NAV3: variants seen among roughly 807,000 people sequenced by gnomAD.
NAV3 encodes the protein neuron navigator 3, also known as pore membrane and/or filament interacting like protein 1.
Under a neutral mutation model 244.7 loss-of-function variants are expected in NAV3, and 87 were observed. The observed-to-expected ratio is 0.36, with a 90% CI of 0.30 to 0.42. The LOEUF is 0.42. Ranked by LOEUF, NAV3 falls within the 20% of genes least tolerant of loss-of-function variation. NAV3 has a pLI of 1.00. For missense variants in NAV3, 2,663 were observed against 2,893.3 expected (o/e 0.92, Z 1.83); for synonymous variants, 1,126 against 1,042.2 (o/e 1.08, Z -1.55).
intron 1 of NAV3, among the ~76,000 whole-genome samples, chr12:77,832,503 G>T (rs1052175506): frequency 1.3e-5 from 2 of 151,912 alleles, no homozygotes; most frequent in African/African-American, 4.8e-5. Context: ...TATATTTATG[G>T]GTACATATTG....
At chr12:77,747,893 G>A (rs1243433302) in intron 2 of NAV3, among the ~76,000 whole-genome samples, 1 of 152,070 alleles carries the variant, frequency 6.6e-6, no homozygotes, top group Non-Finnish European at 1.5e-5. Flanking sequence ...TGGGGTTGGG[G>A]GATGGGGGAG....
intron 1 of NAV3, among the ~76,000 whole-genome samples, chr12:77,884,311 G>A (rs1883025640): frequency 6.6e-6 from 1 of 152,108 alleles, no homozygotes; most frequent in African/African-American, 2.4e-5. Context: ...AGAAAAGAGG[G>A]GATATATCCT....
chr12:77,824,119 G>T (rs538712867), intron 2 of NAV3, among the ~76,000 whole-genome samples: 1 of 152,088 alleles, frequency 6.6e-6, no homozygotes, highest in South Asian at 2.1e-4. Flanking sequence ...CTGTCACCAG[G>T]CTGGAGTATA....
chr12:77,637,543 A>T (rs950424573), intron 2 of NAV3, among the ~76,000 whole-genome samples: 5 of 152,150 alleles, frequency 3.3e-5, no homozygotes, highest in African/African-American at 1.2e-4. Flanking sequence ...ACACGTTATA[A>T]ATATTAGCTT....
intron 1 of NAV3, among the ~76,000 whole-genome samples, chr12:77,863,724 G>GAA (rs34525024): frequency 2.4e-4 from 35 of 148,118 alleles, no homozygotes; most frequent in Non-Finnish European, 4.4e-4. Flanking sequence ...TTCTTACAAT[G>GAA]AAAAAAAAAA....
At chr12:77,673,190 C>T (rs1197593712) in intron 2 of NAV3, among the ~76,000 whole-genome samples, 4 of 152,034 alleles carry the variant, frequency 2.6e-5, no homozygotes, top group African/African-American at 4.8e-5. Context: ...TCTTTTTTTG[C>T]TGAGTGTTTC....
intron 12 of NAV3, among the ~76,000 whole-genome samples, chr12:78,086,263 G>T (rs559728357): frequency 3.5e-4 from 53 of 152,062 alleles, no homozygotes; most frequent in Non-Finnish European, 6.8e-4. Context: ...GTTTACATTT[G>T]TTTTAATAGG....
intron 2 of NAV3, among the ~76,000 whole-genome samples, chr12:77,683,814 A>G (rs970767605): frequency 6.6e-6 from 1 of 152,062 alleles, no homozygotes; most frequent in African/African-American, 2.4e-5. Context: ...CATTGTATGC[A>G]TATGTTACAG....
chr12:78,042,272 A>C (rs1456080614), intron 9 of NAV3, among the ~76,000 whole-genome samples: 1 of 152,208 alleles, frequency 6.6e-6, no homozygotes, highest in African/African-American at 2.4e-5. Flanking sequence ...CCCAGTTGAT[A>C]GGTGGTGATT....
At chr12:78,187,782 T>C (rs1326855853) in intron 31 of NAV3, among the ~76,000 whole-genome samples, 1 of 151,536 alleles carries the variant, frequency 6.6e-6, no homozygotes, top group Admixed American at 6.6e-5. Flanking sequence ...AACAACTGAG[T>C]TTTGGACTTA....
chr12:77,658,690 G>A (rs11106165), intron 2 of NAV3, among the ~76,000 whole-genome samples: 8,045 of 151,888 alleles, frequency 0.053, 493 homozygotes, highest in African/African-American at 0.15. Flanking sequence ...GAGGCATCAC[G>A]CTACCTGACT....
At chr12:77,597,843 A>G (rs775567711) in intron 2 of NAV3, among the ~76,000 whole-genome samples, 47 of 152,236 alleles carry the variant, frequency 3.1e-4, no homozygotes, top group Non-Finnish European at 2.2e-4. Flanking sequence ...GCAAGATACT[A>G]CTTTTCAGGT....
intron 24 of NAV3, 89 bp downstream of exon 24, chr12:78,168,955 C>A (rs764536833): frequency 1.2e-6 from 1 of 808,110 alleles, no homozygotes; most frequent in Non-Finnish European, 2.0e-6. Flanking sequence ...TACTCAGTGT[C>A]ACTGTGCATT....
intron 2 of NAV3, among the ~76,000 whole-genome samples, chr12:77,657,473 C>T (rs889962141): frequency 6.6e-5 from 10 of 152,152 alleles, no homozygotes; most frequent in African/African-American, 2.4e-4. Context: ...CAATAGCTTA[C>T]CCACCAAAAA....
chr12:77,821,703 AG>A (rs1224118321), intron 2 of NAV3, among the ~76,000 whole-genome samples: 1 of 152,224 alleles, frequency 6.6e-6, no homozygotes, highest in East Asian at 1.9e-4. Flanking sequence ...GAAAGGAAGC[AG>A]TAGTGAAAAT....
intron 16 of NAV3, among the ~76,000 whole-genome samples, chr12:78,124,467 G>GT (rs1955819202): frequency 6.6e-6 from 1 of 152,030 alleles, no homozygotes; most frequent in Non-Finnish European, 1.5e-5. Context: ...TTATTTATTT[G>GT]TTTTGAAATG....
At chr12:77,692,140 A>C (rs1411862987) in intron 2 of NAV3, among the ~76,000 whole-genome samples, 2 of 152,044 alleles carry the variant, frequency 1.3e-5, no homozygotes, top group African/African-American at 2.4e-5. Context: ...ACATTGATAC[A>C]TATAAATGGG....
intron 1 of NAV3, among the ~76,000 whole-genome samples, chr12:77,924,112 G>T (rs2137212798): frequency 6.6e-6 from 1 of 152,272 alleles, no homozygotes; most frequent in East Asian, 1.9e-4. Flanking sequence ...GCAGTCCACA[G>T]TGTTTCCTGG....
intron 2 of NAV3, among the ~76,000 whole-genome samples, chr12:77,671,741 G>A (rs557768788): frequency 5.9e-5 from 9 of 152,114 alleles, no homozygotes; most frequent in Non-Finnish European, 1.2e-4. Context: ...TCATCTCTCA[G>A]CTTATACAAA....
Sources: allele counts gnomAD v4.1 joint callset (sites outside exome capture counted in the v4.1 genomes callset), GRCh38; gene constraint gnomAD v4.1.1; transcripts MANE v1.5; gene names NCBI Gene and HGNC (gene_info 2026-07-23, HGNC 2026-07-21).